INVS: variants seen among roughly 807,000 people sequenced by gnomAD.
INVS encodes the protein inversion of embryo turning homolog.
Under a neutral mutation model 108.8 loss-of-function variants are expected in INVS, and 86 were observed. The observed-to-expected ratio is 0.79, with a 90% CI of 0.66 to 0.95. The LOEUF (loss-of-function observed/expected upper bound fraction) is 0.95, where lower values mean the gene tolerates loss of function less well. Ranked by LOEUF, INVS falls within the 40% of genes least tolerant of loss-of-function variation. INVS has a pLI of 0.00. For missense variants in INVS, 1,169 were observed against 1,297.4 expected (o/e 0.90, Z 1.52); for synonymous variants, 455 against 473.5 (o/e 0.96, Z 0.51).
At chr9:100,257,732 G>A (rs933501664) in intron 10 of INVS, among the ~76,000 whole-genome samples, 47 of 152,112 alleles carry the variant, frequency 3.1e-4, no homozygotes, top group African/African-American at 1.0e-3. Flanking sequence ...GTTGAATATC[G>A]GCCCCCACTC....
chr9:100,232,943 G>A (rs939836969), intron 5 of INVS, among the ~76,000 whole-genome samples: 6 of 152,052 alleles, frequency 3.9e-5, no homozygotes, highest in African/African-American at 1.4e-4. Context: ...TATTACTTTG[G>A]GCAGTATGGC....
At chr9:100,169,885 T>C (rs1461952932) in intron 3 of INVS, among the ~76,000 whole-genome samples, 1 of 152,202 alleles carries the variant, frequency 6.6e-6, no homozygotes, top group African/African-American at 2.4e-5. Flanking sequence ...ACTAAATGTG[T>C]GTACAAAAGA....
intron 11 of INVS, among the ~76,000 whole-genome samples, chr9:100,270,107 T>C (rs1832906058): frequency 7.1e-6 from 1 of 140,372 alleles, no homozygotes; most frequent in African/African-American, 2.5e-5. Context: ...ATTTGGGGGA[T>C]TTTTTTTACT....
At chr9:100,182,816 AG>A (rs1193818331) in intron 3 of INVS, among the ~76,000 whole-genome samples, 41 of 152,344 alleles carry the variant, frequency 2.7e-4, no homozygotes, top group Admixed American at 2.2e-3. Flanking sequence ...TCTACGATAA[AG>A]ACACATGCAC....
intron 9 of INVS, 117 bp downstream of exon 9, chr9:100,252,555 A>T: frequency 1.0e-6 from 1 of 966,056 alleles, no homozygotes; most frequent in East Asian, 2.6e-5. Context: ...GGATGAAGGG[A>T]TGATCACACA....
intron 1 of INVS, among the ~76,000 whole-genome samples, chr9:100,100,799 ATATG>A (rs1405695531): frequency 2.4e-4 from 3 of 12,554 alleles, no homozygotes; most frequent in Admixed American, 2.0e-3. Context: ...TATATATAAT[ATATG>A]TATATATAAT....
At chr9:100,162,775 C>T (rs1030359739) in intron 3 of INVS, among the ~76,000 whole-genome samples, 51 of 151,342 alleles carry the variant, frequency 3.4e-4, no homozygotes, top group African/African-American at 1.1e-3. Flanking sequence ...TGCAGTGAGC[C>T]GAGATCATGC....
chr9:100,116,853 TA>T, intron 2 of INVS: 1 of 1,247,750 alleles, frequency 8.0e-7, no homozygotes. Flanking sequence ...GGAGACTTGG[TA>T]AATACAATCT....
intron 3 of INVS, among the ~76,000 whole-genome samples, chr9:100,161,844 G>A (rs767473044): frequency 1.3e-5 from 2 of 152,144 alleles, no homozygotes; most frequent in Non-Finnish European, 2.9e-5. Context: ...CTGAAGGAAG[G>A]AGAGCATACC....
At chr9:100,273,527 CTTTTTTTT>C (rs58458085) in intron 12 of INVS, among the ~76,000 whole-genome samples, 2 of 96,280 alleles carry the variant, frequency 2.1e-5, no homozygotes, top group East Asian at 5.2e-4. Flanking sequence ...CCACTCAGTT[CTTTTTTTT>C]TTTTTTTTTT....
intron 3 of INVS, among the ~76,000 whole-genome samples, chr9:100,185,612 T>C (rs1053358798): frequency 6.7e-6 from 1 of 148,998 alleles, no homozygotes; most frequent in African/African-American, 2.5e-5. Context: ...GGATGAATTG[T>C]GTAGTGGTGA....
rs572909176 is a variant in INVS at position 100,272,780 on chromosome 9, G to A, written c.1572-84G>A. On this transcript the variant is annotated intron_variant, in intron 11 of 16. Coordinates refer to ENST00000262457, the MANE Select transcript of INVS (RefSeq NM_014425.5). ...ACATCTTAGAATGAAGTTTCCTTCTGCTGCATAATAATATTTTCAGTTTAA... is the reference window on the plus strand; with the variant it reads ...ACATCTTAGAATGAAGTTTCCTTCTACTGCATAATAATATTTTCAGTTTAA... 14 of 1,255,430 alleles carry A rather than the reference G, an allele frequency of 1.1e-5. No individual in the cohort carries two copies. The African/African-American group carries it at 1.9e-4, about 17-fold the overall frequency. 77.8% of individuals were successfully genotyped at this position (1,255,430 alleles called of 1,614,324 possible). A position where few individuals can be genotyped will look rare whatever the true frequency, so the allele number is the denominator to read the frequency against.
At chr9:100,124,818 A>G (rs1178491702) in intron 2 of INVS, among the ~76,000 whole-genome samples, 1 of 152,192 alleles carries the variant, frequency 6.6e-6, no homozygotes, top group South Asian at 2.1e-4. Flanking sequence ...ATTTTGGATT[A>G]TATCTTTGAC....
At chr9:100,171,767 T>C (rs1405069876) in intron 3 of INVS, among the ~76,000 whole-genome samples, 1 of 152,138 alleles carries the variant, frequency 6.6e-6, no homozygotes, top group Non-Finnish European at 1.5e-5. Flanking sequence ...ATTGGTACAT[T>C]TTACCTTCTT....
intron 2 of INVS, among the ~76,000 whole-genome samples, chr9:100,122,489 TC>T (rs1280401142): frequency 2.6e-5 from 4 of 151,678 alleles, no homozygotes; most frequent in South Asian, 4.2e-4. Context: ...TATACTTAAC[TC>T]CAGCTTTCAT....
chr9:100,214,533 A>G (rs1364331915), intron 3 of INVS, among the ~76,000 whole-genome samples: 1 of 152,238 alleles, frequency 6.6e-6, no homozygotes, highest in Non-Finnish European at 1.5e-5. Flanking sequence ...TTGTTACTTC[A>G]GTTGCCATGC....
intron 3 of INVS, among the ~76,000 whole-genome samples, chr9:100,164,737 A>G (rs981530037): frequency 6.6e-6 from 1 of 152,146 alleles, no homozygotes; most frequent in Non-Finnish European, 1.5e-5. Context: ...TGATGTTCCA[A>G]TTACCATTGT....
chr9:100,301,168 CACACACACACAT>C lies in INVS; in HGVS notation c.*496_*507del, dbSNP rs759635789. Among the ~76,000 whole-genome samples, 154 of 128,502 alleles carry C rather than the reference CACACACACACAT, an allele frequency of 1.2e-3. No individual in the cohort carries two copies. The highest frequency in any genetic ancestry group is 3.9e-3 in the Middle Eastern group (1 of 254). 84.3% of individuals were successfully genotyped at this position (128,502 alleles called of 152,430 possible). ...ACACACACACACACACACACACACA[CACACACACACAT>C]ATCACGTCCCACTATTACTTCAAAA... On this transcript the variant is annotated 3_prime_UTR_variant, in exon 17 of 17. Coordinates refer to ENST00000262457, the MANE Select transcript of INVS (RefSeq NM_014425.5).
At chr9:100,292,275 A>C (rs750799077) in intron 13 of INVS, 51 bp from the exon 14 acceptor site, 1 of 1,490,708 alleles carries the variant, frequency 6.7e-7, no homozygotes, top group South Asian at 1.1e-5. Flanking sequence ...TATTAGGAAA[A>C]TTATCCTACT....
Sources: allele counts gnomAD v4.1 joint callset (sites outside exome capture counted in the v4.1 genomes callset), GRCh38; gene constraint gnomAD v4.1.1; transcripts MANE v1.5; gene names NCBI Gene and HGNC (gene_info 2026-07-23, HGNC 2026-07-21).